Variants in PRKAR1B observed in about 807,000 individuals in gnomAD.
PRKAR1B encodes the protein cAMP-dependent protein kinase type I-beta regulatory subunit.
Under a neutral mutation model 46.5 loss-of-function variants are expected in PRKAR1B, and 22 were observed. The ratio of observed to expected loss-of-function variants is 0.47; its 90% CI spans 0.34 to 0.68. The LOEUF is 0.68. PRKAR1B is among the 30% of genes least tolerant of loss of function. The pLI, the probability that PRKAR1B is intolerant of heterozygous loss-of-function variation, is 0.01. For missense variants in PRKAR1B, 445 were observed against 535.6 expected, an observed-to-expected ratio of 0.83 and a Z score of 1.67; for synonymous variants, 259 against 217.7, an observed-to-expected ratio of 1.19 and a Z score of -1.67.
chr7:665,642 G>A (rs904764710), intron 4 of PRKAR1B, among the ~76,000 whole-genome samples: 7 of 152,184 alleles, frequency 4.6e-5, no homozygotes, highest in African/African-American at 1.7e-4. Flanking sequence ...GCATCTCCTC[G>A]GATGAGGCCC....
At chr7:719,579 C>T (rs73256256) in intron 1 of PRKAR1B, among the ~76,000 whole-genome samples, 304 of 152,310 alleles carry the variant, frequency 2.0e-3, no homozygotes, top group African/African-American at 7.0e-3. Context: ...CATCCCAAGG[C>T]CTGTTTCATT....
chr7:566,105 A>T (rs1779108509), intron 9 of PRKAR1B, among the ~76,000 whole-genome samples: 1 of 101,044 alleles, frequency 9.9e-6, no homozygotes, highest in Non-Finnish European at 2.2e-5. Context: ...GAAACAGAGT[A>T]AAAGCTAAAA....
chr7:574,264 C>T (rs1285181618), intron 9 of PRKAR1B, among the ~76,000 whole-genome samples: 1 of 152,240 alleles, frequency 6.6e-6, no homozygotes, highest in Non-Finnish European at 1.5e-5. Context: ...CTCAGAAGCC[C>T]CCGAGTGCCT....
At chr7:618,974 A>AC (rs1782974652) in intron 4 of PRKAR1B, among the ~76,000 whole-genome samples, 1 of 152,286 alleles carries the variant, frequency 6.6e-6, no homozygotes, top group South Asian at 2.1e-4. Flanking sequence ...TTTCCCCACA[A>AC]CCAAGTAATG....
chr7:599,153 C>A (rs1201696780), intron 6 of PRKAR1B, among the ~76,000 whole-genome samples: 1 of 152,184 alleles, frequency 6.6e-6, no homozygotes, highest in East Asian at 1.9e-4. Flanking sequence ...ACGGCCAGGG[C>A]CACACTGTGC....
rs372674105 is a variant in PRKAR1B at position 576,236 on chromosome 7, C to T, written c.891+3020G>A. Among the ~76,000 whole-genome samples, 8 of 151,384 alleles carry T rather than the reference C, an allele frequency of 5.3e-5. No individual in the cohort carries two copies. The East Asian group carries it at 5.9e-4, about 11-fold the overall frequency. On this transcript the variant is annotated intron_variant, in intron 9 of 10. Transcript: ENST00000537384. ...ACGCTGGCATCCTCTCCTCTGCACA[C>T]GGGCGGGTGTGCACGCTGGAATCAC...
rs1259418534 is a variant in PRKAR1B, at chr7:666,157, C to T, written c.440+11072G>A. ...ATGCTCCCCCTACAGGCGCCCTAATCAGGGAAAGCCGGGAAGGGACCGGGA... is the reference window on the plus strand; with the variant it reads ...ATGCTCCCCCTACAGGCGCCCTAATTAGGGAAAGCCGGGAAGGGACCGGGA... On this transcript the variant is annotated intron_variant, in intron 4 of 10. Coordinates refer to ENST00000537384, the MANE Select transcript of PRKAR1B (RefSeq NM_001164760.2). This position sits in a 1 kb window ranked among gnomAD's most constrained non-coding sequence, Gnocchi z 4.9. Among the ~76,000 whole-genome samples the T allele has an allele frequency of 6.6e-6, 1 of 152,218 alleles. No individual in the cohort carries two copies. Among genetic ancestry groups the T allele is most frequent in the East Asian group, 1.9e-4 (1 of 5,200 alleles).
chr7:630,660 T>C (rs1032039475), intron 4 of PRKAR1B, among the ~76,000 whole-genome samples: 5 of 152,314 alleles, frequency 3.3e-5, no homozygotes, highest in Admixed American at 2.0e-4. Flanking sequence ...CTGGCCTCAC[T>C]GCCAGGCTCA....
intron 2 of PRKAR1B, among the ~76,000 whole-genome samples, chr7:701,694 G>T (rs1219996400): frequency 6.6e-6 from 1 of 152,148 alleles, no homozygotes; most frequent in Non-Finnish European, 1.5e-5. Context: ...AAACCATAAA[G>T]AACAATGGGA....
chr7:645,672 C>T (rs1309951729), intron 4 of PRKAR1B, among the ~76,000 whole-genome samples: 1 of 152,110 alleles, frequency 6.6e-6, no homozygotes, highest in East Asian at 1.9e-4. Context: ...GCCTGGGAGG[C>T]AGTGAGACGA....
intron 2 of PRKAR1B, among the ~76,000 whole-genome samples, chr7:706,585 A>ATT (rs754034242): frequency 0.42 from 47,272 of 113,404 alleles, 10,372 homozygotes; most frequent in Non-Finnish European, 0.44. Flanking sequence ...TGCCCAGCTA[A>ATT]TTTTTTTTTT....
chr7:617,275 G>A (rs1782877565), intron 4 of PRKAR1B, among the ~76,000 whole-genome samples: 1 of 149,854 alleles, frequency 6.7e-6, no homozygotes, highest in African/African-American at 2.5e-5. Context: ...TTACAGGTGT[G>A]AGGCACCACG....
intron 6 of PRKAR1B, among the ~76,000 whole-genome samples, chr7:600,736 C>T (rs535379050): frequency 1.2e-4 from 19 of 152,058 alleles, no homozygotes; most frequent in Non-Finnish European, 2.5e-4. Context: ...AAGAGGGAGT[C>T]GGGATAACGG....
At chr7:727,177 G>A (rs1290117047) in intron 1 of PRKAR1B, 33 bp downstream of exon 1, 2 of 1,334,930 alleles carry the variant, frequency 1.5e-6, no homozygotes, top group Admixed American at 3.1e-5. Context: ...GGGCCTGGCC[G>A]TGGACCTGTG....
In PRKAR1B at chr7:602,081, G is replaced by A. The variant is rs1781643160; in HGVS notation, c.549+4112C>T. ...GGCGAGAAGCCAGGCAGGACGCCACGACGCGTCGTGTCTGAGAGAAAACCG... is the reference window on the plus strand; with the variant it reads ...GGCGAGAAGCCAGGCAGGACGCCACAACGCGTCGTGTCTGAGAGAAAACCG... On this transcript the variant is annotated intron_variant, in intron 6 of 10. Transcript: ENST00000537384. The surrounding 1 kb of genome is among the most constrained non-coding windows in gnomAD (Gnocchi z 6.4). Among the ~76,000 whole-genome samples, 4 of 152,238 alleles carry A rather than the reference G, an allele frequency of 2.6e-5. No individual in the cohort carries two copies. The highest frequency in any genetic ancestry group is 2.1e-4 in the South Asian group (1 of 4,816).
At chr7:552,401 G>A (rs1784293725) in intron 9 of PRKAR1B, among the ~76,000 whole-genome samples, 1 of 104,320 alleles carries the variant, frequency 9.6e-6, no homozygotes, top group South Asian at 3.1e-4. Flanking sequence ...CAGAGCCACT[G>A]CCACCACCAC....
At chr7:658,006 C>T (rs554223983) in intron 4 of PRKAR1B, among the ~76,000 whole-genome samples, 1 of 152,212 alleles carries the variant, frequency 6.6e-6, no homozygotes, top group East Asian at 1.9e-4. Flanking sequence ...AATGCAAACC[C>T]GACAAGCAAG....
rs769267700 is a variant in PRKAR1B, at chr7:711,495, G to T, written c.11C>A (p.Pro4Gln). Reference sequence around the variant, plus strand: ...GTCCTCCTCCGAGGGGCAGGCGGGCGGGGAGGCCATGGCGAGGGTGGCTGC... The same window carrying T: ...GTCCTCCTCCGAGGGGCAGGCGGGCTGGGAGGCCATGGCGAGGGTGGCTGC... Reference protein sequence around the residue: MASPPACPSEEDES... With the variant: MASQPACPSEEDES... Residue 4 changes from proline to glutamine, a missense_variant, in exon 2 of 11, where the codon CCG (proline) becomes CAG (glutamine). Pro to Gln is a moderately conservative substitution (Grantham distance 76, BLOSUM62 -1). Around this residue, in one of 5 missense-constraint regions of PRKAR1B, gnomAD observed 155 missense variants for 127.5 expected, o/e 1.22. Coordinates refer to ENST00000537384, the MANE Select transcript of PRKAR1B (RefSeq NM_001164760.2). 6.2e-7 allele frequency: 1 copy of T among 1,613,528 alleles called. No homozygotes were observed. The highest frequency in any genetic ancestry group is 1.7e-5 in the Admixed American group (1 of 60,004).
chr7:726,935 CCT>C, intron 1 of PRKAR1B: 1 of 1,340,970 alleles, frequency 7.5e-7, no homozygotes, highest in Non-Finnish European at 9.6e-7. Context: ...TTCCAGGGCC[CCT>C]GGGCGCGCCT....
Sources: gnomAD v4.1 joint callset for allele counts (sites outside exome capture counted in the v4.1 genomes callset) on GRCh38, gnomAD v4.1.1 for gene constraint, gnomAD v4.1.1 regional missense constraint, Gnocchi (gnomAD v3.1) non-coding constraint, MANE v1.5 for transcripts, NCBI Gene and HGNC (gene_info 2026-07-23, HGNC 2026-07-21) for gene names.